Variants in ZNF532 observed in about 807,000 individuals in gnomAD.
ZNF532 encodes zinc finger protein 532.
Under a neutral mutation model 89.3 loss-of-function variants are expected in ZNF532, and 22 were observed. The observed-to-expected ratio is 0.25, with a 90% CI of 0.18 to 0.35. ZNF532 has a LOEUF of 0.35. Ranked by LOEUF, ZNF532 falls within the 10% of genes least tolerant of loss-of-function variation. The pLI, the probability that ZNF532 is intolerant of heterozygous loss-of-function variation, is 1.00. For missense variants in ZNF532, 1,132 were observed against 1,643.4 expected (o/e 0.69, Z 5.38); for synonymous variants, 606 against 649.6 (o/e 0.93, Z 1.02).
chr18:58,876,261 AT>A (rs2057422154), intron 2 of ZNF532, among the ~76,000 whole-genome samples: 1 of 152,152 alleles, frequency 6.6e-6, no homozygotes. Flanking sequence ...TAAAATACAG[AT>A]AATGATTCTG....
At chr18:58,928,483 G>T (rs2061703435) in intron 3 of ZNF532, among the ~76,000 whole-genome samples, 1 of 152,182 alleles carries the variant, frequency 6.6e-6, no homozygotes, top group African/African-American at 2.4e-5. Flanking sequence ...TTTAGCTCGA[G>T]GCTCTCTGCC....
At chr18:58,950,867 G>A (rs1296404189) in intron 6 of ZNF532, among the ~76,000 whole-genome samples, 1 of 152,112 alleles carries the variant, frequency 6.6e-6, no homozygotes, top group Non-Finnish European at 1.5e-5. Flanking sequence ...TGAACCTCTG[G>A]TCTCAAGTGG....
At chr18:58,893,906 C>T (rs1012739449) in intron 2 of ZNF532, among the ~76,000 whole-genome samples, 1 of 152,042 alleles carries the variant, frequency 6.6e-6, no homozygotes, top group Admixed American at 6.6e-5. Flanking sequence ...CTGGGTGGTT[C>T]CTGAATCTCA....
chr18:58,897,559 T>A (rs148221286), intron 2 of ZNF532, among the ~76,000 whole-genome samples: 4 of 152,218 alleles, frequency 2.6e-5, no homozygotes, highest in African/African-American at 7.2e-5. Flanking sequence ...TCATGACAGA[T>A]TGGCATTAGG....
chr18:58,873,707 C>T (rs2144676232), intron 2 of ZNF532, among the ~76,000 whole-genome samples: 1 of 152,118 alleles, frequency 6.6e-6, no homozygotes, highest in East Asian at 1.9e-4. Context: ...TCCTAAATTA[C>T]AGGGGTGAGC....
intron 5 of ZNF532, among the ~76,000 whole-genome samples, chr18:58,942,004 C>T (rs377091974): frequency 3.6e-5 from 5 of 139,642 alleles, no homozygotes; most frequent in Non-Finnish European, 4.6e-5. Context: ...TCCTTCCTTC[C>T]TTCTTTCTTT....
intron 7 of ZNF532, among the ~76,000 whole-genome samples, chr18:58,964,835 G>C (rs1004038410): frequency 2.0e-5 from 3 of 151,718 alleles, no homozygotes; most frequent in Non-Finnish European, 2.9e-5. Context: ...TCAAACTCCT[G>C]GCCTCAAGTG....
At chr18:58,880,274 A>C (rs914167777) in intron 2 of ZNF532, among the ~76,000 whole-genome samples, 1 of 152,240 alleles carries the variant, frequency 6.6e-6, no homozygotes, top group African/African-American at 2.4e-5. Context: ...GGTAGAATGC[A>C]GCTAGGGAAA....
chr18:58,957,406 C>CATATATATATATATATATAT (rs58182199), intron 7 of ZNF532, among the ~76,000 whole-genome samples: 17 of 138,888 alleles, frequency 1.2e-4, no homozygotes, highest in South Asian at 2.4e-4. Context: ...ACTTAAAATA[C>CATATATATATATATATATAT]ATATATATAT....
At chr18:58,898,517 A>G (rs1346786304) in intron 2 of ZNF532, among the ~76,000 whole-genome samples, 2 of 152,022 alleles carry the variant, frequency 1.3e-5, no homozygotes, top group African/African-American at 2.4e-5. Flanking sequence ...CTTGCAGCCT[A>G]CTCTCCCTGA....
chr18:58,863,767 G>A (rs2056179650), upstream of ZNF532: 1 of 151,972 alleles, frequency 6.6e-6, no homozygotes, highest in South Asian at 2.0e-4. Flanking sequence ...GTGCGCCTCT[G>A]GGGGTGCGGG....
Position 58,919,748 on chromosome 18 carries a change from G to C in ZNF532, c.1461G>C (p.Gln487His). 1 of 1,614,180 alleles carries C rather than the reference G, an allele frequency of 6.2e-7. No homozygotes were observed. Residue 487 changes from glutamine to histidine, a missense_variant, in exon 3 of 10, where the codon CAG (glutamine) becomes CAC (histidine). By Grantham distance (24) the Gln-to-His change is conservative. Transcript: ENST00000591808. The surrounding 1 kb of genome is among the most constrained non-coding windows in gnomAD (Gnocchi z 6.1). ...KATVISAASV[Q>H]SASSAIIKAA... The stretch of plus-strand genomic sequence containing the variant: ...CGGTCATATCTGCTGCCTCTGTCCA[G>C]AGTGCCAGCAGCGCCATCATTAAAG...
At chr18:58,956,689 C>T (rs2064810221) in intron 7 of ZNF532, among the ~76,000 whole-genome samples, 1 of 152,284 alleles carries the variant, frequency 6.6e-6, no homozygotes, top group Admixed American at 6.5e-5. Flanking sequence ...ATCACTGAAC[C>T]CAGTTCTCTG....
At chr18:58,925,974 A>C (rs2061491164) in intron 3 of ZNF532, among the ~76,000 whole-genome samples, 1 of 152,224 alleles carries the variant, frequency 6.6e-6, no homozygotes, top group African/African-American at 2.4e-5. Context: ...CAGTATCTAC[A>C]GTCTGAGTAC....
At chr18:58,900,146 G>A (rs952389896) in intron 2 of ZNF532, among the ~76,000 whole-genome samples, 22 of 152,224 alleles carry the variant, frequency 1.4e-4, no homozygotes, top group African/African-American at 5.3e-4. Flanking sequence ...TGCCCGGGAG[G>A]TCTGTCTGCG....
At chr18:58,868,877 T>A (rs1302525227) in intron 2 of ZNF532, among the ~76,000 whole-genome samples, 1 of 152,226 alleles carries the variant, frequency 6.6e-6, no homozygotes, top group Non-Finnish European at 1.5e-5. Flanking sequence ...AAAGATAGAA[T>A]GTACTTACAC....
At chr18:58,932,587 C>T (rs2062049737) in intron 3 of ZNF532, 2 of 152,106 alleles carry the variant, frequency 1.3e-5, no homozygotes, top group Admixed American at 6.5e-5. Context: ...TATATCCCCA[C>T]CCCACTCCTC....
At chr18:58,940,879 A>G (rs956415888) in intron 5 of ZNF532, among the ~76,000 whole-genome samples, 5 of 147,488 alleles carry the variant, frequency 3.4e-5, no homozygotes, top group African/African-American at 5.0e-5. Context: ...TAACTCCATA[A>G]TTAAGGAAGT....
At chr18:58,875,276 G>A (rs2057337427) in intron 2 of ZNF532, among the ~76,000 whole-genome samples, 1 of 151,958 alleles carries the variant, frequency 6.6e-6, no homozygotes, top group African/African-American at 2.4e-5. Context: ...CTCCCAAAGT[G>A]TTGGGATTAT....
Sources: gnomAD v4.1 joint callset for allele counts (sites outside exome capture counted in the v4.1 genomes callset) on GRCh38, gnomAD v4.1.1 for gene constraint, Gnocchi (gnomAD v3.1) non-coding constraint, MANE v1.5 for transcripts, NCBI Gene and HGNC (gene_info 2026-07-23, HGNC 2026-07-21) for gene names.